Variants in FKBP5 observed in about 807,000 individuals in gnomAD.
FKBP5 encodes FKBP prolyl isomerase 5.
A neutral mutation model predicts 50.5 loss-of-function variants in FKBP5; 23 were observed. The ratio of observed to expected loss-of-function variants is 0.46; its 90% CI spans 0.33 to 0.65. The LOEUF (loss-of-function observed/expected upper bound fraction) is 0.65, where lower values mean the gene tolerates loss of function less well. Among genes scored for constraint, FKBP5 ranks in the 30% least tolerant of loss-of-function variants. The pLI, the probability that FKBP5 is intolerant of heterozygous loss-of-function variation, is 0.02. For missense variants in FKBP5, 411 were observed against 553.1 expected (o/e 0.74, Z 2.58); for synonymous variants, 176 against 190.6 (o/e 0.92, Z 0.63).
chr6:35,666,449 C>T (rs1043605320), intron 1 of FKBP5, among the ~76,000 whole-genome samples: 44 of 130,082 alleles, frequency 3.4e-4, no homozygotes, highest in African/African-American at 1.2e-3. Flanking sequence ...TCATAGACTT[C>T]TATTATACAT....
intron 2 of FKBP5, among the ~76,000 whole-genome samples, chr6:35,718,513 C>T (rs1464439619): frequency 6.6e-6 from 1 of 152,182 alleles, no homozygotes; most frequent in Non-Finnish European, 1.5e-5. Flanking sequence ...TTGCCTTCCT[C>T]TGCCAGCAGC....
In FKBP5 at chr6:35,602,458, G is replaced by A. The variant is rs542352517; in HGVS notation, c.509-5054C>T. On this transcript the variant is annotated intron_variant, in intron 5 of 10. Transcript: ENST00000357266. ...ATGGCATTACTACTCGACAAGACTG[G>A]TTATCTGGCCAGAGAAAACCAGGTT... Among the ~76,000 whole-genome samples the A allele has an allele frequency of 3.3e-5, 5 of 152,096 alleles. No homozygotes were observed. The South Asian group carries it at 1.0e-3, about 32-fold the overall frequency.
At chr6:35,705,366 A>G (rs1766289408) in intron 2 of FKBP5, among the ~76,000 whole-genome samples, 1 of 148,444 alleles carries the variant, frequency 6.7e-6, no homozygotes, top group South Asian at 2.2e-4. Flanking sequence ...TCCCAGGTTC[A>G]AGCAATTCTC....
chr6:35,630,658 A>T (rs1764128206), intron 3 of FKBP5, among the ~76,000 whole-genome samples: 1 of 152,266 alleles, frequency 6.6e-6, no homozygotes, highest in African/African-American at 2.4e-5. Flanking sequence ...AAGATCTAAC[A>T]TAACTTAAGA....
intron 6 of FKBP5, among the ~76,000 whole-genome samples, chr6:35,592,857 G>A (rs758934287): frequency 2.6e-5 from 4 of 151,074 alleles, no homozygotes; most frequent in Non-Finnish European, 3.0e-5. Flanking sequence ...TACAATGCAC[G>A]TGACAGCCCC....
intron 5 of FKBP5, among the ~76,000 whole-genome samples, chr6:35,598,867 C>T (rs1763061912): frequency 4.6e-5 from 7 of 152,062 alleles, no homozygotes. Context: ...GCTACTTGGG[C>T]TGAGGCACAA....
chr6:35,623,170 A>T (rs755137418), intron 3 of FKBP5, among the ~76,000 whole-genome samples: 3 of 152,258 alleles, frequency 2.0e-5, no homozygotes, highest in Non-Finnish European at 4.4e-5. Flanking sequence ...TGAACCCAGA[A>T]GGAGGAGCTT....
intron 1 of FKBP5, among the ~76,000 whole-genome samples, chr6:35,683,707 G>C (rs1765745933): frequency 7.0e-6 from 1 of 143,144 alleles, no homozygotes. Context: ...TCCAACGCCT[G>C]ACCTCCTGGC....
At chr6:35,684,852 C>T (rs1256510406) in intron 1 of FKBP5, among the ~76,000 whole-genome samples, 1 of 152,022 alleles carries the variant, frequency 6.6e-6, no homozygotes, top group Non-Finnish European at 1.5e-5. Context: ...CATAGTGAGA[C>T]CTTATCTCTA....
At chr6:35,702,047 C>A (rs145856044) in intron 2 of FKBP5, among the ~76,000 whole-genome samples, 2 of 151,950 alleles carry the variant, frequency 1.3e-5, no homozygotes, top group Non-Finnish European at 2.9e-5. Context: ...GGGGTTTCAC[C>A]TTGTTGGCCT....
chr6:35,631,750 A>G (rs1581835049), intron 3 of FKBP5, among the ~76,000 whole-genome samples: 1 of 151,904 alleles, frequency 6.6e-6, no homozygotes, highest in Admixed American at 6.6e-5. Context: ...AGGTCAGGAG[A>G]TCAAGACCAT....
chr6:35,688,410 C>T (rs908423971), intron 1 of FKBP5, among the ~76,000 whole-genome samples: 2 of 152,102 alleles, frequency 1.3e-5, no homozygotes, highest in African/African-American at 2.4e-5. Context: ...GGGCCAGAGA[C>T]CGGAGGCGGA....
chr6:35,603,458 T>C (rs993452914), intron 5 of FKBP5, among the ~76,000 whole-genome samples: 2 of 152,240 alleles, frequency 1.3e-5, no homozygotes, highest in African/African-American at 2.4e-5. Context: ...ATTTAATGAC[T>C]AATCTTAAAA....
chr6:35,689,483 T>C (rs1765940245), upstream of FKBP5, among the ~76,000 whole-genome samples: 3 of 151,984 alleles, frequency 2.0e-5, no homozygotes, highest in African/African-American at 7.2e-5. Flanking sequence ...GTAAAGACCA[T>C]ACTTTCTCTT....
At chr6:35,725,739 G>A (rs890120884) in intron 1 of FKBP5, among the ~76,000 whole-genome samples, 5 of 152,256 alleles carry the variant, frequency 3.3e-5, no homozygotes, top group African/African-American at 7.2e-5. Context: ...AATATAAAGC[G>A]GCCAGTGTAG....
chr6:35,689,122 C>T (rs1765931127), upstream of FKBP5, among the ~76,000 whole-genome samples: 1 of 152,252 alleles, frequency 6.6e-6, no homozygotes, highest in Non-Finnish European at 1.5e-5. Flanking sequence ...GCTCCTCCAC[C>T]TCCCCACGCC....
chr6:35,668,773 C>T (rs1032721365), intron 1 of FKBP5, among the ~76,000 whole-genome samples: 1 of 152,060 alleles, frequency 6.6e-6, no homozygotes, highest in African/African-American at 2.4e-5. Context: ...AATATAATGA[C>T]ACAATTTCCA....
intron 7 of FKBP5, among the ~76,000 whole-genome samples, chr6:35,590,497 A>G (rs1303059469): frequency 1.3e-5 from 2 of 152,146 alleles, no homozygotes; most frequent in Admixed American, 6.6e-5. Flanking sequence ...GAGCCTCCAG[A>G]GTGAAACTGA....
intron 1 of FKBP5, among the ~76,000 whole-genome samples, chr6:35,664,504 G>C (rs1037695000): frequency 6.6e-6 from 1 of 152,172 alleles, no homozygotes; most frequent in African/African-American, 2.4e-5. Flanking sequence ...AAAACATCCA[G>C]CAAATACAGT....
Sources: gnomAD v4.1 joint callset for allele counts (sites outside exome capture counted in the v4.1 genomes callset) on GRCh38, gnomAD v4.1.1 for gene constraint, MANE v1.5 for transcripts, NCBI Gene and HGNC (gene_info 2026-07-23, HGNC 2026-07-21) for gene names.